The following KCNIP4 variants were observed in gnomAD, a reference collection of about 807,000 sequenced individuals.
The protein encoded by KCNIP4 is Kv channel-interacting protein 4.
A neutral mutation model predicts 34.0 loss-of-function variants in KCNIP4; 12 were observed. The ratio of observed to expected loss-of-function variants is 0.35; its 90% CI spans 0.23 to 0.57. KCNIP4 has a LOEUF of 0.57. Ranked by LOEUF, KCNIP4 falls within the 20% of genes least tolerant of loss-of-function variation. KCNIP4 has a pLI of 0.83. For missense variants in KCNIP4, 238 were observed against 311.7 expected, an observed-to-expected ratio of 0.76 and a Z score of 1.78; for synonymous variants, 124 against 102.2, an observed-to-expected ratio of 1.21 and a Z score of -1.29.
chr4:21,222,086 A>C (rs1758020544), intron 1 of KCNIP4, among the ~76,000 whole-genome samples: 1 of 152,208 alleles, frequency 6.6e-6, no homozygotes. Flanking sequence ...TCCTTAGAGC[A>C]ATAGAAGTGA....
At chr4:21,044,237 G>T (rs925547781) in intron 1 of KCNIP4, among the ~76,000 whole-genome samples, 8 of 152,004 alleles carry the variant, frequency 5.3e-5, no homozygotes, top group Non-Finnish European at 1.0e-4. Flanking sequence ...CCAGTAGATT[G>T]TCCTATGGAC....
intron 1 of KCNIP4, among the ~76,000 whole-genome samples, chr4:21,086,422 A>G (rs543955576): frequency 1.3e-5 from 2 of 152,238 alleles, no homozygotes; most frequent in South Asian, 4.1e-4. Flanking sequence ...TAGGTATTGG[A>G]TTTACAAGAA....
chr4:21,434,579 A>G (rs1726783420), intron 1 of KCNIP4, among the ~76,000 whole-genome samples: 1 of 151,974 alleles, frequency 6.6e-6, no homozygotes, highest in Non-Finnish European at 1.5e-5. Context: ...GCAAGTGAGC[A>G]TTACTGCCTG....
At chr4:20,824,902 T>C (rs907106174) in intron 3 of KCNIP4, among the ~76,000 whole-genome samples, 1 of 152,168 alleles carries the variant, frequency 6.6e-6, no homozygotes, top group Non-Finnish European at 1.5e-5. Flanking sequence ...TAAAACACAA[T>C]TAAGTATTAT....
At chr4:21,111,153 G>C (rs888182122) in intron 1 of KCNIP4, among the ~76,000 whole-genome samples, 5 of 152,116 alleles carry the variant, frequency 3.3e-5, no homozygotes. Flanking sequence ...AATCAGTTCT[G>C]TTTTTCATTC....
chr4:20,748,235 A>G (rs1211554365), intron 5 of KCNIP4, among the ~76,000 whole-genome samples: 5 of 151,986 alleles, frequency 3.3e-5, no homozygotes, highest in African/African-American at 1.2e-4. Flanking sequence ...TGGCTCTCCA[A>G]TTGTGTATTC....
intron 1 of KCNIP4, among the ~76,000 whole-genome samples, chr4:20,920,638 G>C (rs1027688270): frequency 6.6e-5 from 10 of 152,174 alleles, no homozygotes; most frequent in Admixed American, 1.3e-4. Flanking sequence ...GAAGCCAAGT[G>C]ATCCCTGTGG....
intron 1 of KCNIP4, among the ~76,000 whole-genome samples, chr4:21,357,759 G>A (rs570807221): frequency 6.6e-6 from 1 of 152,230 alleles, no homozygotes; most frequent in East Asian, 1.9e-4. Flanking sequence ...AAGACAGTGT[G>A]GTGATTCCTC....
At chr4:20,810,250 G>A (rs1715556730) in intron 3 of KCNIP4, among the ~76,000 whole-genome samples, 4 of 152,158 alleles carry the variant, frequency 2.6e-5, no homozygotes, top group Admixed American at 2.6e-4. Flanking sequence ...GAGAGGCTTG[G>A]ACCAGTCTTT....
intron 1 of KCNIP4, among the ~76,000 whole-genome samples, chr4:21,442,345 T>TCA (rs1727560470): frequency 2.0e-5 from 3 of 152,194 alleles, no homozygotes; most frequent in Admixed American, 1.3e-4. Flanking sequence ...ACTGGGGTAA[T>TCA]CAAAATCAGT....
intron 1 of KCNIP4, among the ~76,000 whole-genome samples, chr4:21,680,916 A>G (rs529805626): frequency 6.6e-6 from 1 of 152,274 alleles, no homozygotes; most frequent in South Asian, 2.1e-4. Context: ...TGGGATTTTT[A>G]CAATGATAAA....
At chr4:21,712,076 A>G (rs542676338) in intron 1 of KCNIP4, among the ~76,000 whole-genome samples, 1 of 152,238 alleles carries the variant, frequency 6.6e-6, no homozygotes, top group Admixed American at 6.5e-5. Flanking sequence ...AAAAATTCTC[A>G]ATTTTCTACT....
intron 2 of KCNIP4, among the ~76,000 whole-genome samples, chr4:20,872,506 T>C (rs1723589868): frequency 6.6e-6 from 1 of 152,136 alleles, no homozygotes; most frequent in Non-Finnish European, 1.5e-5. Flanking sequence ...TTTATAGACC[T>C]GGTGGAGTAG....
At chr4:21,021,349 A>G (rs1740015206) in intron 1 of KCNIP4, among the ~76,000 whole-genome samples, 2 of 152,210 alleles carry the variant, frequency 1.3e-5, no homozygotes, top group African/African-American at 2.4e-5. Flanking sequence ...TGAAGACTTT[A>G]TAATAAACAT....
chr4:21,291,751 G>A (rs1487328790), intron 1 of KCNIP4, among the ~76,000 whole-genome samples: 1 of 151,460 alleles, frequency 6.6e-6, no homozygotes, highest in African/African-American at 2.4e-5. Context: ...CTACTCGGGA[G>A]GCTGAGGCAG....
intron 1 of KCNIP4, among the ~76,000 whole-genome samples, chr4:21,810,617 G>C (rs896852232): frequency 4.0e-5 from 6 of 150,200 alleles, no homozygotes; most frequent in Non-Finnish European, 7.4e-5. Context: ...ATAAACCCGG[G>C]AGGCGGAGCC....
intron 1 of KCNIP4, among the ~76,000 whole-genome samples, chr4:21,388,674 C>T (rs62294140): frequency 7.2e-5 from 11 of 152,234 alleles, no homozygotes; most frequent in South Asian, 2.1e-4. Context: ...CTCCACTTTT[C>T]CCCAACACTC....
chr4:21,185,332 G>A (rs1755134087), intron 1 of KCNIP4, among the ~76,000 whole-genome samples: 1 of 147,404 alleles, frequency 6.8e-6, no homozygotes. Context: ...TTCGTCAGGA[G>A]TTTTCTTCCC....
intron 1 of KCNIP4, among the ~76,000 whole-genome samples, chr4:21,396,522 C>A (rs1723012073): frequency 1.7e-5 from 2 of 116,076 alleles, no homozygotes; most frequent in Non-Finnish European, 3.4e-5. Flanking sequence ...AGCCACTGCA[C>A]TCCAGCCTGG....
Sources: allele counts gnomAD v4.1 joint callset (sites outside exome capture counted in the v4.1 genomes callset), GRCh38; gene constraint gnomAD v4.1.1; transcripts MANE v1.5; gene names NCBI Gene and HGNC (gene_info 2026-07-23, HGNC 2026-07-21).